NKAIN2: variants seen among roughly 807,000 people sequenced by gnomAD.
NKAIN2 encodes sodium/potassium-transporting ATPase subunit beta-1-interacting protein 2.
NKAIN2 carries 14 observed loss-of-function variants against 32.6 expected under a neutral mutation model. The observed-to-expected ratio is 0.43, with a 90% confidence interval of 0.28 to 0.67. The LOEUF is 0.67. Ranked by LOEUF, NKAIN2 falls within the 30% of genes least tolerant of loss-of-function variation. NKAIN2 has a pLI of 0.17. For missense variants in NKAIN2, 198 were observed against 258.3 expected (o/e 0.77, Z 1.60); for synonymous variants, 80 against 87.2 (o/e 0.92, Z 0.46).
intron 4 of NKAIN2, among the ~76,000 whole-genome samples, chr6:124,764,739 T>C (rs1778434423): frequency 6.6e-6 from 1 of 152,202 alleles, no homozygotes; most frequent in Non-Finnish European, 1.5e-5. Flanking sequence ...AGATGGCTTC[T>C]TATCACTTGA....
chr6:124,738,824 T>C (rs1391261481), intron 4 of NKAIN2, among the ~76,000 whole-genome samples: 1 of 151,940 alleles, frequency 6.6e-6, no homozygotes, highest in Non-Finnish European at 1.5e-5. Flanking sequence ...TACAACATTG[T>C]TATAAGAACT....
At chr6:123,879,593 G>A (rs952068446) in intron 1 of NKAIN2, among the ~76,000 whole-genome samples, 1 of 152,150 alleles carries the variant, frequency 6.6e-6, no homozygotes, top group Admixed American at 6.5e-5. Flanking sequence ...CTAATGACAT[G>A]TTCACAACTA....
chr6:124,184,384 A>AT (rs1457825615), intron 1 of NKAIN2, among the ~76,000 whole-genome samples: 1 of 151,994 alleles, frequency 6.6e-6, no homozygotes, highest in African/African-American at 2.4e-5. Context: ...TTATTTCTGG[A>AT]TCCCTCCTTA....
rs544520046 is a variant in NKAIN2, at chr6:124,170,427, C to T, written c.55-112578C>T. Among the ~76,000 whole-genome samples the T allele has an allele frequency of 1.2e-3, 182 of 152,242 alleles. 1 individual carries two copies. Among genetic ancestry groups the T allele is most frequent in the African/African-American group, 4.1e-3 (170 of 41,530 alleles). ...TCTATTTACCCTAACCTGAATTTCTCTCTGCTAAATAGAAAGTATGCAGGG... is the reference window on the plus strand; with the variant it reads ...TCTATTTACCCTAACCTGAATTTCTTTCTGCTAAATAGAAAGTATGCAGGG... On this transcript the variant is annotated intron_variant, in intron 1 of 6. Coordinates refer to ENST00000368417, the MANE Select transcript of NKAIN2 (RefSeq NM_001040214.3).
intron 3 of NKAIN2, among the ~76,000 whole-genome samples, chr6:124,524,528 A>G (rs552693106): frequency 3.2e-4 from 48 of 152,300 alleles, no homozygotes; most frequent in African/African-American, 1.1e-3. Context: ...GTTTCTAGCT[A>G]CTAATATATG....
In NKAIN2 at chr6:124,113,450, A is replaced by AT. The variant is rs568194551; in HGVS notation, c.55-169547dup. On this transcript the variant is annotated intron_variant, in intron 1 of 6. Coordinates refer to ENST00000368417, the MANE Select transcript of NKAIN2 (RefSeq NM_001040214.3). ...AGAAGAAAGCTGAAAAAAAATTGGG[A>AT]TTTTTTTTGTTTGTTCGTTTGCTCA... Among the ~76,000 whole-genome samples the AT allele has an allele frequency of 4.0e-4, 61 of 151,800 alleles. 1 individual carries two copies. The highest frequency in any genetic ancestry group is 3.4e-3 in the Admixed American group (52 of 15,232).
At chr6:124,244,134 C>T (rs1399927195) in intron 1 of NKAIN2, among the ~76,000 whole-genome samples, 1 of 150,702 alleles carries the variant, frequency 6.6e-6, no homozygotes, top group Non-Finnish European at 1.5e-5. Context: ...TACATGTGCA[C>T]ATTGTGCAGG....
Position 124,663,647 on chromosome 6 carries a change from A to G in NKAIN2, c.474+5261A>G, listed in dbSNP as rs1772607998. Among the ~76,000 whole-genome samples the G allele has an allele frequency of 2.0e-5, 3 of 152,196 alleles. No individual in the cohort carries two copies. In the South Asian group the frequency reaches 6.2e-4, roughly 32 times the overall value. ...TTTGAACTAGGTGACTATAGGAGAA[A>G]GAAGTAGGAATATAATTAATAATTG... On this transcript the variant is annotated intron_variant, in intron 4 of 6. Transcript: ENST00000368417.
intron 3 of NKAIN2, among the ~76,000 whole-genome samples, chr6:124,561,293 G>A (rs1030269534): frequency 5.3e-5 from 8 of 152,134 alleles, no homozygotes; most frequent in African/African-American, 1.9e-4. Flanking sequence ...TATCTATACA[G>A]TGTATATAAA....
chr6:124,355,424 C>T (rs1449609284), intron 3 of NKAIN2, 77 bp downstream of exon 3: 2 of 787,210 alleles, frequency 2.5e-6, no homozygotes, highest in Non-Finnish European at 4.5e-6. Context: ...GAGTCTCATC[C>T]TGTTCTGCTT....
chr6:124,550,986 A>G (rs532456174), intron 3 of NKAIN2, among the ~76,000 whole-genome samples: 1 of 152,326 alleles, frequency 6.6e-6, no homozygotes, highest in East Asian at 1.9e-4. Flanking sequence ...GTAGAATTGC[A>G]AGGCTTTATG....
chr6:124,595,651 G>A (rs1299930418), intron 3 of NKAIN2, among the ~76,000 whole-genome samples: 1 of 99,274 alleles, frequency 1.0e-5, no homozygotes, highest in African/African-American at 3.6e-5. Context: ...TATATACCTT[G>A]GGCAAAGGGA....
At chr6:124,271,129 A>C (rs1794745695) in intron 1 of NKAIN2, among the ~76,000 whole-genome samples, 1 of 152,126 alleles carries the variant, frequency 6.6e-6, no homozygotes, top group Non-Finnish European at 1.5e-5. Flanking sequence ...TCCATGTAAA[A>C]GGTACCTTGC....
intron 2 of NKAIN2, among the ~76,000 whole-genome samples, chr6:124,317,965 G>C (rs978318019): frequency 3.3e-5 from 5 of 151,878 alleles, no homozygotes; most frequent in African/African-American, 9.7e-5. Context: ...GGTTGGATTT[G>C]TTCTGATCAT....
intron 4 of NKAIN2, among the ~76,000 whole-genome samples, chr6:124,745,073 T>C (rs949683198): frequency 5.3e-5 from 8 of 151,894 alleles, no homozygotes; most frequent in Non-Finnish European, 8.8e-5. Context: ...TTAATTTTCT[T>C]CAGACATCCT....
At chr6:124,370,041 C>CTG (rs1232315127) in intron 3 of NKAIN2, among the ~76,000 whole-genome samples, 2 of 151,648 alleles carry the variant, frequency 1.3e-5, no homozygotes, top group Non-Finnish European at 1.5e-5. Flanking sequence ...AAACAAGTGA[C>CTG]TGTTTTTCAT....
intron 2 of NKAIN2, among the ~76,000 whole-genome samples, chr6:124,335,098 A>G (rs1797812607): frequency 6.6e-6 from 1 of 151,674 alleles, no homozygotes. Flanking sequence ...ATATTGGTAA[A>G]TGCCTATCCT....
intron 2 of NKAIN2, among the ~76,000 whole-genome samples, chr6:124,312,967 C>G (rs1796785748): frequency 6.6e-6 from 1 of 151,994 alleles, no homozygotes; most frequent in Non-Finnish European, 1.5e-5. Context: ...GGGAGAAGAT[C>G]AGAGAGGGAT....
intron 1 of NKAIN2, among the ~76,000 whole-genome samples, chr6:123,985,899 C>T (rs184186470): frequency 6.6e-6 from 1 of 152,040 alleles, no homozygotes; most frequent in African/African-American, 2.4e-5. Flanking sequence ...TCTAAAAAAG[C>T]CTAGAAGCAG....
Sources: gnomAD v4.1 joint callset for allele counts (sites outside exome capture counted in the v4.1 genomes callset) on GRCh38, gnomAD v4.1.1 for gene constraint, MANE v1.5 for transcripts, NCBI Gene and HGNC (gene_info 2026-07-23, HGNC 2026-07-21) for gene names.